ZNF804B: variants seen among roughly 807,000 people sequenced by gnomAD.
ZNF804B encodes the protein zinc finger 804B.
ZNF804B carries 80 observed loss-of-function variants against 101.4 expected under a neutral mutation model. The observed-to-expected ratio is 0.79, with a 90% CI of 0.66 to 0.95. The LOEUF (loss-of-function observed/expected upper bound fraction) is 0.95. ZNF804B is among the 40% of genes least tolerant of loss of function. ZNF804B has a pLI of 0.00. For synonymous variants in ZNF804B, 622 were observed against 558.8 expected (o/e 1.11, Z -1.59); for missense variants, 1,673 against 1,561.9 (o/e 1.07, Z -1.20).
intron 1 of ZNF804B, among the ~76,000 whole-genome samples, chr7:88,885,409 G>T (rs1583997167): frequency 6.6e-6 from 1 of 151,218 alleles, no homozygotes; most frequent in South Asian, 2.1e-4. Context: ...GTGACGTATT[G>T]ATCTGATTTT....
At chr7:89,193,455 C>T (rs1217810570) in intron 1 of ZNF804B, among the ~76,000 whole-genome samples, 3 of 146,688 alleles carry the variant, frequency 2.0e-5, no homozygotes, top group African/African-American at 7.6e-5. Context: ...AATGCTATCC[C>T]TCACCCCTCC....
chr7:88,799,189 T>A (rs1270057222), intron 1 of ZNF804B, among the ~76,000 whole-genome samples: 1 of 152,114 alleles, frequency 6.6e-6, no homozygotes, highest in East Asian at 1.9e-4. Flanking sequence ...AACAAATTTA[T>A]CATGTCCTTT....
intron 1 of ZNF804B, among the ~76,000 whole-genome samples, chr7:89,079,732 C>A (rs12113926): frequency 0.023 from 3,494 of 151,992 alleles, 160 homozygotes; most frequent in African/African-American, 0.08. Context: ...TAGTGTGTGC[C>A]AGAAAGGCCC....
intron 1 of ZNF804B, among the ~76,000 whole-genome samples, chr7:89,171,335 TTCTTCTTCTTCTTCTTCTTCTTCC>T (rs1562904481): frequency 3.5e-4 from 44 of 124,870 alleles, no homozygotes; most frequent in African/African-American, 5.2e-4. Context: ...CTTCTTCTTC[TTCTTCTTCTTCTTCTTCTTCTTCC>T]TCCTCTTCCT....
chr7:89,113,295 G>A (rs1031411397), intron 1 of ZNF804B, among the ~76,000 whole-genome samples: 2 of 151,988 alleles, frequency 1.3e-5, no homozygotes, highest in African/African-American at 4.8e-5. Flanking sequence ...TCGTACAACG[G>A]GCCTCAATGG....
At chr7:88,970,169 G>A (rs577143207) in intron 1 of ZNF804B, among the ~76,000 whole-genome samples, 2 of 151,558 alleles carry the variant, frequency 1.3e-5, no homozygotes, top group Admixed American at 1.3e-4. Context: ...AGACATTTAA[G>A]TGACATTATT....
rs73705571 is a variant in ZNF804B at position 88,877,302 on chromosome 7, C to G, written c.108+117218C>G. Among the ~76,000 whole-genome samples, 366 of 151,372 alleles carry G rather than the reference C, an allele frequency of 2.4e-3. 3 individuals carry two copies. The highest frequency in any genetic ancestry group is 8.5e-3 in the African/African-American group (350 of 41,186). On this transcript the variant is annotated intron_variant, in intron 1 of 3. Transcript: ENST00000333190. ...AGTAGAAAGTAGAACATTTCTCACTCTCTCTCAGCATTAGAACCCTGAGAT... is the reference window on the plus strand; with the variant it reads ...AGTAGAAAGTAGAACATTTCTCACTGTCTCTCAGCATTAGAACCCTGAGAT...
At chr7:89,273,151 AAAG>A (rs1446562542) in intron 2 of ZNF804B, among the ~76,000 whole-genome samples, 3 of 152,126 alleles carry the variant, frequency 2.0e-5, no homozygotes, top group African/African-American at 7.2e-5. Context: ...CAACCCTTCA[AAAG>A]TAGTTTTGAG....
At chr7:89,082,948 G>A (rs1789717595) in intron 1 of ZNF804B, among the ~76,000 whole-genome samples, 1 of 151,568 alleles carries the variant, frequency 6.6e-6, no homozygotes, top group African/African-American at 2.4e-5. Context: ...ACATATTATT[G>A]GCACTTTGAA....
intron 2 of ZNF804B, among the ~76,000 whole-genome samples, chr7:89,313,930 T>C (rs965121128): frequency 1.3e-5 from 2 of 152,176 alleles, no homozygotes; most frequent in Non-Finnish European, 2.9e-5. Context: ...GTCGTTTCTC[T>C]TTAAGTCCCT....
intron 1 of ZNF804B, among the ~76,000 whole-genome samples, chr7:89,062,053 G>C (rs1243795697): frequency 1.3e-5 from 2 of 152,022 alleles, no homozygotes; most frequent in Non-Finnish European, 2.9e-5. Flanking sequence ...AGGCAGACTG[G>C]ATACCGTATC....
chr7:88,813,423 T>TA (rs11431380), intron 1 of ZNF804B, among the ~76,000 whole-genome samples: 54,828 of 135,476 alleles, frequency 0.4, 11,054 homozygotes, highest in East Asian at 0.53. Flanking sequence ...AGACTCCATC[T>TA]AAAAAAAAAA....
intron 2 of ZNF804B, among the ~76,000 whole-genome samples, chr7:89,237,081 G>A (rs1162946535): frequency 2.0e-5 from 3 of 151,626 alleles, no homozygotes; most frequent in Admixed American, 1.3e-4. Flanking sequence ...TGAAAATTAC[G>A]ATAATAACAC....
At chr7:89,005,582 T>C (rs966646826) in intron 1 of ZNF804B, among the ~76,000 whole-genome samples, 3 of 152,144 alleles carry the variant, frequency 2.0e-5, no homozygotes, top group Non-Finnish European at 4.4e-5. Context: ...TATTCTGTTA[T>C]TGCAGTTGTA....
intron 1 of ZNF804B, among the ~76,000 whole-genome samples, chr7:88,963,971 A>G (rs1793423168): frequency 6.6e-6 from 1 of 151,408 alleles, no homozygotes; most frequent in South Asian, 2.1e-4. Flanking sequence ...CCACCTTACA[A>G]CTATTAATAT....
At chr7:88,795,040 ATTTC>A in intron 1 of ZNF804B, 1 of 1,004,060 alleles carries the variant, frequency 1.0e-6, no homozygotes, top group South Asian at 2.5e-5. Flanking sequence ...TCGTGTTTTT[ATTTC>A]TTCTGACAAA....
intron 1 of ZNF804B, among the ~76,000 whole-genome samples, chr7:89,203,241 A>C (rs571582357): frequency 6.6e-6 from 1 of 152,164 alleles, no homozygotes; most frequent in Admixed American, 6.5e-5. Flanking sequence ...CATTGGCCCC[A>C]GTTTCCAGAT....
At chr7:89,259,686 G>T (rs1789682826) in intron 2 of ZNF804B, among the ~76,000 whole-genome samples, 1 of 152,116 alleles carries the variant, frequency 6.6e-6, no homozygotes. Flanking sequence ...TAGGGGCATT[G>T]TCCAATAGCA....
At chr7:88,939,220 G>T (rs935322726) in intron 1 of ZNF804B, among the ~76,000 whole-genome samples, 1 of 151,880 alleles carries the variant, frequency 6.6e-6, no homozygotes, top group African/African-American at 2.4e-5. Flanking sequence ...CACTGTATTT[G>T]CATATGACCT....
Sources: allele counts gnomAD v4.1 joint callset (sites outside exome capture counted in the v4.1 genomes callset), GRCh38; gene constraint gnomAD v4.1.1; transcripts MANE v1.5; gene names NCBI Gene and HGNC (gene_info 2026-07-23, HGNC 2026-07-21).